The following TMEM52B variants were observed in gnomAD, a reference collection of about 807,000 sequenced individuals.
The protein encoded by TMEM52B is chromosome 12 open reading frame 59.
In TMEM52B, 11 loss-of-function variants were observed where a neutral mutation model predicts 16.1. The observed-to-expected ratio is 0.68, with a 90% CI of 0.43 to 1.13. The LOEUF (loss-of-function observed/expected upper bound fraction) is 1.13, where lower values mean the gene tolerates loss of function less well. TMEM52B is among the 50% of genes most tolerant of loss of function. The pLI is 0.00. For missense variants in TMEM52B, 243 were observed against 230.4 expected, an observed-to-expected ratio of 1.05 and a Z score of -0.35; for synonymous variants, 101 against 93.8, an observed-to-expected ratio of 1.08 and a Z score of -0.45.
At chr12:10,182,937 T>A (rs1026156464) in intron 2 of TMEM52B, among the ~76,000 whole-genome samples, 18 of 152,218 alleles carry the variant, frequency 1.2e-4, no homozygotes, top group African/African-American at 3.9e-4. Context: ...GTCACTGGCA[T>A]ATATATTTGG....
At chr12:10,182,103 CT>C (rs2137548270) in intron 1 of TMEM52B, 1 of 983,798 alleles carries the variant, frequency 1.0e-6, no homozygotes, top group East Asian at 1.1e-4. Flanking sequence ...AAATAAGACT[CT>C]CTGTCCCACT....
chr12:10,170,960 C>G (rs1948710538), intron 1 of TMEM52B: 1 of 152,070 alleles, frequency 6.6e-6, no homozygotes, highest in South Asian at 2.1e-4. Context: ...ATAAACCAAT[C>G]CGATTCTTTG....
intron 2 of TMEM52B, 57 bp downstream of exon 2, chr12:10,182,650 C>G: frequency 4.7e-6 from 7 of 1,492,188 alleles, no homozygotes; most frequent in Non-Finnish European, 6.2e-6. Flanking sequence ...ATCACTACCC[C>G]AAAAGAGAGT....
chr12:10,184,460 C>T (rs904043179), intron 2 of TMEM52B, among the ~76,000 whole-genome samples: 5 of 152,074 alleles, frequency 3.3e-5, no homozygotes, highest in African/African-American at 1.2e-4. Flanking sequence ...TGAGTCCTCA[C>T]CCTATGGGAT....
intron 3 of TMEM52B, among the ~76,000 whole-genome samples, chr12:10,186,201 C>T (rs1026298635): frequency 6.6e-6 from 1 of 152,130 alleles, no homozygotes; most frequent in Non-Finnish European, 1.5e-5. Context: ...AAATGTCTTA[C>T]TATTTGTTCT....
intron 4 of TMEM52B, 128 bp from the exon 5 acceptor site, chr12:10,189,768 C>T: frequency 7.7e-7 from 1 of 1,304,684 alleles, no homozygotes; most frequent in Non-Finnish European, 1.0e-6. Context: ...AAATTTGGGG[C>T]AAGGAGTGAC....
chr12:10,183,094 T>G (rs1467114686), intron 2 of TMEM52B, among the ~76,000 whole-genome samples: 1 of 152,216 alleles, frequency 6.6e-6, no homozygotes, highest in South Asian at 2.1e-4. Context: ...TTAAGTCTTA[T>G]GTAGACACAG....
At position 10,190,815 on chromosome 12, in the gene TMEM52B, C is replaced by T. The variant is rs1195704942; in HGVS notation, c.*675C>T. On this transcript the variant is annotated 3_prime_UTR_variant, in exon 5 of 5. Coordinates refer to ENST00000543484, the MANE Select transcript of TMEM52B (RefSeq NM_001384896.1). ...GGATTAATTCTTCAGTTCCTCCGCA[C>T]TGCAAACACATATATGTGCGCACAT... 2.6e-5 allele frequency: 4 copies of T among 153,706 alleles called. No homozygotes were observed. Among genetic ancestry groups the T allele is most frequent in the African/African-American group, 9.6e-5 (4 of 41,466 alleles). 9.5% of individuals were successfully genotyped at this position (153,706 alleles called of 1,614,324 possible).
intron 1 of TMEM52B, 85 bp downstream of exon 1, chr12:10,179,713 G>A (rs979719802): frequency 3.1e-5 from 47 of 1,524,396 alleles, no homozygotes; most frequent in East Asian, 4.5e-5. Flanking sequence ...AATGAACTGC[G>A]GGGTGGGGAG....
rs547190991 is a variant in TMEM52B, at chr12:10,188,366, C to T, written c.308-1530C>T. On this transcript the variant is annotated intron_variant, in intron 4 of 4. Transcript: ENST00000543484. ...CCCAGCTACTCGGGAGGCTGAGGCA[C>T]GAGAATCATTTGAGCCCAGGAGGCG... Among the ~76,000 whole-genome samples the T allele has an allele frequency of 1.1e-4, 17 of 148,508 alleles. 1 individual carries two copies. Among genetic ancestry groups the T allele is most frequent in the Non-Finnish European group, 2.2e-4 (15 of 66,912 alleles).
chr12:10,174,453 G>A (rs115985517), upstream of TMEM52B, among the ~76,000 whole-genome samples: 2,734 of 152,156 alleles, frequency 0.018, 71 homozygotes, highest in African/African-American at 0.06. Flanking sequence ...AGTAGATTTC[G>A]CTGCATAATG....
chr12:10,190,394 C>A lies in TMEM52B; in HGVS notation c.*254C>A. 4.4e-6 allele frequency: 2 copies of A among 450,522 alleles called. No individual in the cohort carries two copies. The highest frequency in any genetic ancestry group is 2.3e-5 in the South Asian group (1 of 42,718). 27.9% of individuals were successfully genotyped at this position (450,522 alleles called of 1,614,324 possible). ...TCTAGCCACACTGATTACTACTAAA[C>A]CAGGAAAGCATCAAGGTGTCTTGAA... is the stretch of plus-strand genomic sequence containing the variant. On this transcript the variant is annotated 3_prime_UTR_variant, in exon 5 of 5. Transcript: ENST00000543484.
At chr12:10,178,147 G>C (rs561443260), upstream of TMEM52B, among the ~76,000 whole-genome samples, 495 of 151,884 alleles carry the variant, frequency 3.3e-3, 4 homozygotes, top group African/African-American at 0.011. Flanking sequence ...AGCCCGCCTT[G>C]GCCTCCCAAA....
intron 1 of TMEM52B, among the ~76,000 whole-genome samples, chr12:10,172,571 G>C (rs575443674): frequency 6.6e-6 from 1 of 152,192 alleles, no homozygotes; most frequent in Non-Finnish European, 1.5e-5. Flanking sequence ...GTTTTATCTG[G>C]CAATGGATCT....
Position 10,179,681 on chromosome 12 carries a change from C to T in TMEM52B, c.54+53C>T, listed in dbSNP as rs1948800062. The T allele has an allele frequency of 1.2e-5, 19 of 1,604,640 alleles. 1 individual carries two copies. In the South Asian group the frequency reaches 2.0e-4, roughly 17 times the overall value. ...GAGTATTTTTCCCCAGATTAATCAA[C>T]TCTCAGAAGAGTCTGAAAGGAAATG... On this transcript the variant is annotated intron_variant, in intron 1 of 4. Transcript: ENST00000543484.
rs1948943995 is a variant in TMEM52B, at chr12:10,190,326, G to C, written c.*186G>C. 7.6e-6 allele frequency: 6 copies of C among 791,436 alleles called. No homozygotes were observed. In the South Asian group the frequency reaches 1.1e-4, roughly 15 times the overall value. The allele number at this position is 791,436 out of a possible 1,614,324, so 49.0% of individuals were successfully genotyped here. A position where few individuals can be genotyped will look rare whatever the true frequency, so the allele number is the denominator to read the frequency against. ...TTCCGATACAGAATGCTCTAATTGGGAACTCTAATTTTGTATCCAATGGCC... is the reference window on the plus strand; with the variant it reads ...TTCCGATACAGAATGCTCTAATTGGCAACTCTAATTTTGTATCCAATGGCC... On this transcript the variant is annotated 3_prime_UTR_variant, in exon 5 of 5. Transcript: ENST00000543484.
rs1206474319 is a variant in TMEM52B, at chr12:10,191,744, C to T, written c.*1604C>T. The T allele has an allele frequency of 6.6e-6, 1 of 152,224 alleles. No individual in the cohort carries two copies. The highest frequency in any genetic ancestry group is 1.5e-5 in the Non-Finnish European group (1 of 68,044). 9.4% of individuals were successfully genotyped at this position (152,224 alleles called of 1,614,324 possible). On this transcript the variant is annotated 3_prime_UTR_variant, in exon 5 of 5. Coordinates refer to ENST00000543484, the MANE Select transcript of TMEM52B (RefSeq NM_001384896.1). ...TTTGCCAACTATGTTACTGTTGTCA[C>T]ACCTGAAATGGCTTTGTTTTTATCA...
At chr12:10,171,082 A>G (rs1565423162) in intron 1 of TMEM52B, among the ~76,000 whole-genome samples, 1 of 152,220 alleles carries the variant, frequency 6.6e-6, no homozygotes, top group Non-Finnish European at 1.5e-5. Context: ...AAAGAAACGA[A>G]TGACTATTGT....
intron 1 of TMEM52B, chr12:10,172,249 A>G (rs1948729178): frequency 3.6e-6 from 2 of 562,030 alleles, no homozygotes; most frequent in African/African-American, 3.7e-5. Context: ...AAGTTCGCTG[A>G]CGCAAATTCT....
Sources: gnomAD v4.1 joint callset for allele counts (sites outside exome capture counted in the v4.1 genomes callset) on GRCh38, gnomAD v4.1.1 for gene constraint, MANE v1.5 for transcripts, NCBI Gene and HGNC (gene_info 2026-07-23, HGNC 2026-07-21) for gene names.